Variants in ADAMTS20 observed in about 807,000 individuals in gnomAD.
ADAMTS20 encodes A disintegrin and metalloproteinase with thrombospondin motifs 20.
In ADAMTS20, 225 loss-of-function variants were observed where a neutral mutation model predicts 260.1. The observed-to-expected ratio is 0.87, with a 90% CI of 0.78 to 0.97. The LOEUF (loss-of-function observed/expected upper bound fraction) is 0.97, where lower values mean the gene tolerates loss of function less well. Among genes scored for constraint, ADAMTS20 ranks in the 50% least tolerant of loss-of-function variants. The probability of loss-of-function intolerance (pLI) is 0.00; values close to 1 mark genes in which losing one functional copy is unlikely to be tolerated. For missense variants in ADAMTS20, 2,400 were observed against 2,337.7 expected (o/e 1.03, Z -0.55); for synonymous variants, 802 against 769.5 (o/e 1.04, Z -0.70).
intron 2 of ADAMTS20, among the ~76,000 whole-genome samples, chr12:43,548,026 C>A (rs275631): frequency 0.23 from 35,282 of 152,090 alleles, 4,894 homozygotes; most frequent in Non-Finnish European, 0.32. Context: ...TGTATATAGT[C>A]AGTTTCTATC....
chr12:43,512,164 G>A (rs112507004), intron 3 of ADAMTS20, among the ~76,000 whole-genome samples: 17 of 150,460 alleles, frequency 1.1e-4, no homozygotes, highest in Non-Finnish European at 2.4e-4. Context: ...TATTATTATC[G>A]TCATTTTATA....
chr12:43,401,415 A>G (rs945781114), intron 28 of ADAMTS20, among the ~76,000 whole-genome samples: 50 of 151,978 alleles, frequency 3.3e-4, no homozygotes, highest in Admixed American at 3.2e-3. Flanking sequence ...GCTATGTAAC[A>G]TAAGAGGAGA....
intron 2 of ADAMTS20, among the ~76,000 whole-genome samples, chr12:43,547,847 GA>G (rs1174281253): frequency 6.6e-6 from 1 of 152,062 alleles, no homozygotes; most frequent in East Asian, 1.9e-4. Context: ...TGAACTAGGA[GA>G]AAAAAGGCCA....
intron 31 of ADAMTS20, among the ~76,000 whole-genome samples, chr12:43,382,650 T>A (rs1225529437): frequency 6.6e-6 from 1 of 151,856 alleles, no homozygotes; most frequent in Non-Finnish European, 1.5e-5. Flanking sequence ...CAGAAGAAGA[T>A]GTTAAAAAGA....
chr12:43,470,801 C>T (rs1315688324), intron 7 of ADAMTS20, among the ~76,000 whole-genome samples: 1 of 152,130 alleles, frequency 6.6e-6, no homozygotes, highest in Non-Finnish European at 1.5e-5. Flanking sequence ...TTATTAAGAA[C>T]TCTCCTTAGT....
At chr12:43,514,910 G>A (rs1409005680) in intron 3 of ADAMTS20, among the ~76,000 whole-genome samples, 1 of 152,128 alleles carries the variant, frequency 6.6e-6, no homozygotes, top group Non-Finnish European at 1.5e-5. Flanking sequence ...AAATGTGTGA[G>A]GCTGCTGAAA....
chr12:43,437,124 AAC>A (rs1401513243), intron 18 of ADAMTS20, among the ~76,000 whole-genome samples: 1 of 152,134 alleles, frequency 6.6e-6, no homozygotes, highest in Non-Finnish European at 1.5e-5. Context: ...CCTAGGAGGA[AAC>A]ACATATAAGT....
intron 7 of ADAMTS20, among the ~76,000 whole-genome samples, chr12:43,470,724 G>A (rs1469010119): frequency 6.6e-6 from 1 of 152,090 alleles, no homozygotes; most frequent in African/African-American, 2.4e-5. Context: ...CAGGGACTGA[G>A]GCAACAATAA....
intron 3 of ADAMTS20, among the ~76,000 whole-genome samples, chr12:43,505,412 T>C (rs2137453581): frequency 6.6e-6 from 1 of 152,200 alleles, no homozygotes; most frequent in South Asian, 2.1e-4. Context: ...ATATCTAGAA[T>C]ATAAAAAAAT....
intron 36 of ADAMTS20, among the ~76,000 whole-genome samples, chr12:43,369,934 A>G (rs1940070990): frequency 6.6e-6 from 1 of 152,074 alleles, no homozygotes. Flanking sequence ...CTGACTGGTA[A>G]TAATGCTGAA....
chr12:43,446,922 C>T (rs978689467), intron 14 of ADAMTS20, among the ~76,000 whole-genome samples: 2 of 151,846 alleles, frequency 1.3e-5, no homozygotes, highest in African/African-American at 4.8e-5. Context: ...ACACAAACAC[C>T]CTCCCAAGAC....
At chr12:43,543,544 A>G (rs1943404280) in intron 2 of ADAMTS20, among the ~76,000 whole-genome samples, 1 of 152,224 alleles carries the variant, frequency 6.6e-6, no homozygotes, top group South Asian at 2.1e-4. Context: ...TCCAAGCTAC[A>G]AAGAGCCACA....
chr12:43,471,896 C>A (rs1405380508), intron 7 of ADAMTS20, among the ~76,000 whole-genome samples: 1 of 137,280 alleles, frequency 7.3e-6, no homozygotes, highest in African/African-American at 2.7e-5. Flanking sequence ...AAAAACAGAA[C>A]AGAAAAACTG....
rs566939927 is a variant in ADAMTS20, at chr12:43,465,624, G to T, written c.1368-892C>A. On this transcript the variant is annotated intron_variant, in intron 9 of 38. Coordinates refer to ENST00000389420, the MANE Select transcript of ADAMTS20 (RefSeq NM_025003.5). ...AAAAATATAAATTTTCCAATTAAATGAACATGTAAGCTTAAAAATTTCCTT... is the reference window on the plus strand; with the variant it reads ...AAAAATATAAATTTTCCAATTAAATTAACATGTAAGCTTAAAAATTTCCTT... 3.9e-5 allele frequency among the ~76,000 whole-genome samples: 6 copies of T among 152,024 alleles called. No homozygotes were observed. In the East Asian group the frequency reaches 1.2e-3, roughly 29 times the overall value.
At chr12:43,439,834 C>T in intron 17 of ADAMTS20, 63 bp downstream of exon 17, 1 of 1,558,172 alleles carries the variant, frequency 6.4e-7, no homozygotes, top group Admixed American at 1.9e-5. Context: ...ATGTTAAGCA[C>T]TTAACCAGTA....
intron 3 of ADAMTS20, among the ~76,000 whole-genome samples, chr12:43,523,111 A>T (rs1943094475): frequency 6.6e-6 from 1 of 152,232 alleles, no homozygotes; most frequent in Non-Finnish European, 1.5e-5. Context: ...AGAATATATA[A>T]GACCTTTGGT....
At position 43,464,801 on chromosome 12, in the gene ADAMTS20, C is replaced by T. The variant is rs564010436; in HGVS notation, c.1368-69G>A. 111 of 1,482,234 alleles carry T rather than the reference C, an allele frequency of 7.5e-5. 1 individual carries two copies. The Middle Eastern group carries it at 1.6e-3, about 21-fold the overall frequency. 91.8% of individuals were successfully genotyped at this position (1,482,234 alleles called of 1,614,324 possible). A position where few individuals can be genotyped will look rare whatever the true frequency, so the allele number is the denominator to read the frequency against. ...TGCATTCCAGTATGATTCTTTATCA[C>T]ATTTTTTGTAGTTCTTTACTTTCAA... is the stretch of plus-strand genomic sequence containing the variant. On this transcript the variant is annotated intron_variant, in intron 9 of 38. Transcript: ENST00000389420.
At chr12:43,399,605 C>G (rs1353512233) in intron 28 of ADAMTS20, among the ~76,000 whole-genome samples, 2 of 152,082 alleles carry the variant, frequency 1.3e-5, no homozygotes. Flanking sequence ...CATCAATACC[C>G]ATTCTATTTT....
chr12:43,542,792 G>T (rs1194580519), intron 2 of ADAMTS20, among the ~76,000 whole-genome samples: 2 of 152,218 alleles, frequency 1.3e-5, no homozygotes, highest in Non-Finnish European at 2.9e-5. Context: ...GGATTATACT[G>T]TCAAAGAAAA....
Sources: allele counts gnomAD v4.1 joint callset (sites outside exome capture counted in the v4.1 genomes callset), GRCh38; gene constraint gnomAD v4.1.1; transcripts MANE v1.5; gene names NCBI Gene and HGNC (gene_info 2026-07-23, HGNC 2026-07-21).